The following CUX1 variants were observed in gnomAD, a reference collection of about 807,000 sequenced individuals.
CUX1 encodes the protein protein CASP.
In CUX1, 31 loss-of-function variants were observed where a neutral mutation model predicts 158.8. The ratio of observed to expected loss-of-function variants is 0.20; its 90% CI spans 0.15 to 0.26. CUX1 has a LOEUF of 0.26. Among genes scored for constraint, CUX1 ranks in the 10% least tolerant of loss-of-function variants. The probability of loss-of-function intolerance (pLI) is 1.00; values close to 1 mark genes in which losing one functional copy is unlikely to be tolerated. For missense variants in CUX1, 1,589 were observed against 2,014.6 expected, an observed-to-expected ratio of 0.79 and a Z score of 4.04; for synonymous variants, 879 against 862.1, an observed-to-expected ratio of 1.02 and a Z score of -0.34.
intron 10 of CUX1, among the ~76,000 whole-genome samples, chr7:102,178,181 C>T (rs1397796318): frequency 6.6e-6 from 1 of 152,218 alleles, no homozygotes; most frequent in Non-Finnish European, 1.5e-5. Flanking sequence ...GGATTACAGG[C>T]GTGAGCCATT....
intron 4 of CUX1, among the ~76,000 whole-genome samples, chr7:102,090,688 C>CTTT (rs34834342): frequency 8.8e-5 from 12 of 136,518 alleles, no homozygotes; most frequent in African/African-American, 2.9e-4. Flanking sequence ...CACCCCGCCT[C>CTTT]TTTTTTTTTT....
At chr7:102,143,522 C>T (rs1834686634) in intron 8 of CUX1, among the ~76,000 whole-genome samples, 1 of 152,210 alleles carries the variant, frequency 6.6e-6, no homozygotes, top group Admixed American at 6.5e-5. Flanking sequence ...ATCCTCCCAC[C>T]TTGGCCTCCC....
chr7:102,099,799 T>TGG (rs1323854277), intron 5 of CUX1, among the ~76,000 whole-genome samples: 1 of 152,058 alleles, frequency 6.6e-6, no homozygotes, highest in Non-Finnish European at 1.5e-5. Context: ...TGGGGCCTGG[T>TGG]GGGCTGTGCA....
intron 2 of CUX1, among the ~76,000 whole-genome samples, chr7:101,976,027 G>T (rs1288085674): frequency 1.3e-5 from 2 of 152,160 alleles, no homozygotes; most frequent in Non-Finnish European, 2.9e-5. Context: ...AGCTACTTGG[G>T]AGGCTGAGGC....
intron 2 of CUX1, among the ~76,000 whole-genome samples, chr7:101,999,307 C>T (rs1195679693): frequency 7.1e-6 from 1 of 140,226 alleles, no homozygotes; most frequent in Non-Finnish European, 1.5e-5. Flanking sequence ...CCTCCTGCCT[C>T]AGCCTCCCAA....
intron 3 of CUX1, among the ~76,000 whole-genome samples, chr7:102,038,928 G>A (rs1821742838): frequency 1.3e-5 from 2 of 152,134 alleles, no homozygotes; most frequent in South Asian, 4.2e-4. Context: ...CTAGGAGACA[G>A]AGCCAGACCC....
chr7:102,091,535 A>G (rs1456269657), intron 4 of CUX1, among the ~76,000 whole-genome samples: 5 of 151,682 alleles, frequency 3.3e-5, no homozygotes, highest in Non-Finnish European at 5.9e-5. Flanking sequence ...AGGTCTTGCT[A>G]TGCTGCCCCA....
chr7:102,174,756 C>T lies in CUX1; in HGVS notation c.829-3713C>T, dbSNP rs544792141. Among the ~76,000 whole-genome samples the T allele has an allele frequency of 4.1e-4, 62 of 152,236 alleles. 1 individual carries two copies. The Middle Eastern group carries it at 0.014, about 34-fold the overall frequency. ...GTCAGGAGTTCGAGACCAGCCTGGC[C>T]AAAATGGCAAAATCCTATCTCTACT... On this transcript the variant is annotated intron_variant, in intron 10 of 23. Coordinates refer to ENST00000292535, the MANE Select transcript of CUX1 (RefSeq NM_181552.4).
chr7:101,924,851 C>T (rs538816014), intron 2 of CUX1, among the ~76,000 whole-genome samples: 11 of 151,648 alleles, frequency 7.3e-5, no homozygotes, highest in South Asian at 4.2e-4. Context: ...TTGGGATTAC[C>T]GGCGTGAGCC....
chr7:101,972,464 G>A (rs1035197450), intron 2 of CUX1, among the ~76,000 whole-genome samples: 3 of 152,194 alleles, frequency 2.0e-5, no homozygotes, highest in Non-Finnish European at 2.9e-5. Flanking sequence ...GCTAGGTTGC[G>A]GGGATCTGTT....
intron 1 of CUX1, among the ~76,000 whole-genome samples, chr7:101,909,551 C>G (rs1803178702): frequency 6.6e-6 from 1 of 152,206 alleles, no homozygotes; most frequent in Non-Finnish European, 1.5e-5. Flanking sequence ...GGAACCATGG[C>G]CGACCTTTCC....
At chr7:102,178,690 A>AG (rs35381169) in intron 11 of CUX1, 33 bp downstream of exon 11, 98,502 of 1,579,062 alleles carry the variant, frequency 0.062, 3,397 homozygotes, top group African/African-American at 0.083. Context: ...GGGTGGCCCG[A>AG]GGAGGCAGGG....
intron 1 of CUX1, among the ~76,000 whole-genome samples, chr7:101,867,101 C>T (rs1025333785): frequency 1.3e-5 from 2 of 152,172 alleles, no homozygotes; most frequent in East Asian, 1.9e-4. Flanking sequence ...CCTGTAATCC[C>T]ACCTACCCGG....
intron 2 of CUX1, among the ~76,000 whole-genome samples, chr7:101,921,261 A>C (rs1026697189): frequency 2.6e-5 from 4 of 152,240 alleles, no homozygotes; most frequent in African/African-American, 9.6e-5. Flanking sequence ...CTGTGTGCAC[A>C]TATGTGTGTG....
chr7:102,056,824 C>A (rs1036530133), intron 3 of CUX1, among the ~76,000 whole-genome samples: 4 of 152,098 alleles, frequency 2.6e-5, no homozygotes, highest in Non-Finnish European at 5.9e-5. Context: ...CTGCCTCAGC[C>A]TCCCAAAGTA....
At chr7:101,816,070 C>G, upstream of CUX1, 1 of 1,416,188 alleles carries the variant, frequency 7.1e-7, no homozygotes, top group Non-Finnish European at 9.4e-7. Flanking sequence ...ATATTGGAAG[C>G]GCTTTGATTT....
At chr7:102,229,372 A>G (rs1798711970) in intron 21 of CUX1, among the ~76,000 whole-genome samples, 1 of 144,912 alleles carries the variant, frequency 6.9e-6, no homozygotes, top group African/African-American at 2.6e-5. Flanking sequence ...GCGCAACCTC[A>G]GCTTACTACA....
At chr7:102,099,922 C>A (rs1470849892) in intron 5 of CUX1, among the ~76,000 whole-genome samples, 2 of 151,958 alleles carry the variant, frequency 1.3e-5, no homozygotes, top group Admixed American at 6.6e-5. Context: ...GATGTTCTCT[C>A]CCCAAAGATC....
chr7:102,023,466 G>A (rs559715425), intron 2 of CUX1, among the ~76,000 whole-genome samples: 2 of 152,252 alleles, frequency 1.3e-5, no homozygotes, highest in Non-Finnish European at 2.9e-5. Flanking sequence ...AATTCTGTGG[G>A]TCAGAATTGA....
Sources: allele counts gnomAD v4.1 joint callset (sites outside exome capture counted in the v4.1 genomes callset), GRCh38; gene constraint gnomAD v4.1.1; transcripts MANE v1.5; gene names NCBI Gene and HGNC (gene_info 2026-07-23, HGNC 2026-07-21).